The following ZYG11A variants were observed in gnomAD, a reference collection of about 807,000 sequenced individuals.
ZYG11A encodes the protein zyg-11 family member A, cell cycle regulator, also known as protein zyg-11 homolog A.
ZYG11A carries 62 observed loss-of-function variants against 77.2 expected under a neutral mutation model. The ratio of observed to expected loss-of-function variants is 0.80; its 90% CI spans 0.65 to 0.99. The LOEUF is 0.99. ZYG11A is among the 50% of genes least tolerant of loss of function. The pLI is 0.00. For synonymous variants in ZYG11A, 315 were observed against 324.6 expected (o/e 0.97, Z 0.32); for missense variants, 828 against 896.8 (o/e 0.92, Z 0.98).
At chr1:52,870,084 A>T (rs1048256585) in intron 8 of ZYG11A, among the ~76,000 whole-genome samples, 3 of 149,960 alleles carry the variant, frequency 2.0e-5, no homozygotes, top group African/African-American at 7.4e-5. Context: ...GGCCGGGCAG[A>T]GGCGCTCCTC....
At chr1:52,848,518 A>C (rs1571830322) in intron 1 of ZYG11A, among the ~76,000 whole-genome samples, 1 of 152,184 alleles carries the variant, frequency 6.6e-6, no homozygotes, top group Non-Finnish European at 1.5e-5. Context: ...ACATAAAATA[A>C]AGACAGACTG....
chr1:52,857,907 A>G (rs559507496), intron 3 of ZYG11A, among the ~76,000 whole-genome samples, 158 bp downstream of exon 3: 2 of 152,110 alleles, frequency 1.3e-5, no homozygotes, highest in East Asian at 3.9e-4. Flanking sequence ...TGTACCTACT[A>G]TGTGGAAGGT....
At chr1:52,872,600 G>A (rs996348999) in intron 8 of ZYG11A, among the ~76,000 whole-genome samples, 1 of 150,474 alleles carries the variant, frequency 6.6e-6, no homozygotes, top group African/African-American at 2.4e-5. Flanking sequence ...ACATTTTGTG[G>A]CCAGGTGTGG....
At chr1:52,847,702 G>A (rs1421297313) in intron 1 of ZYG11A, among the ~76,000 whole-genome samples, 4 of 141,708 alleles carry the variant, frequency 2.8e-5, no homozygotes, top group Non-Finnish European at 4.6e-5. Flanking sequence ...ACGGAGTCTC[G>A]CTCTGTTTCC....
rs570237595 is a variant in ZYG11A at position 52,847,795 on chromosome 1, G to C, written c.90+4822G>C. Among the ~76,000 whole-genome samples the C allele has an allele frequency of 1.7e-4, 25 of 146,856 alleles. No individual in the cohort carries two copies. In the East Asian group the frequency reaches 4.4e-3, roughly 26 times the overall value. On this transcript the variant is annotated intron_variant, in intron 1 of 13. Transcript: ENST00000371528. ...GGTAATTCTCCTGCCTCAGCCTTCC[G>C]AGTAGCTGGGACTACAGGTGTGTGC...
Position 52,867,839 on chromosome 1 carries a change from TA to T in ZYG11A, c.1542+72del, listed in dbSNP as rs960609439. On this transcript the variant is annotated intron_variant, in intron 8 of 13. Transcript: ENST00000371528. ...AAAAGTCAAATTTATGATTATAGCT[TA>T]AAAAAAAAATCAAATCATTCCAAAA... is the stretch of plus-strand genomic sequence containing the variant. The T allele has an allele frequency of 2.6e-3, 3,318 of 1,289,472 alleles. 5 individuals are homozygous for T. The highest frequency in any genetic ancestry group is 9.9e-3 in the African/African-American group (644 of 65,300). 79.9% of individuals were successfully genotyped at this position (1,289,472 alleles called of 1,614,324 possible).
intron 13 of ZYG11A, 132 bp from the exon 14 acceptor site, chr1:52,892,650 A>AT (rs1646565695): frequency 1.3e-6 from 1 of 760,540 alleles, no homozygotes; most frequent in Non-Finnish European, 2.1e-6. Flanking sequence ...GAATTGACTC[A>AT]TTTTATCTGT....
intron 12 of ZYG11A, among the ~76,000 whole-genome samples, 162 bp from the exon 13 acceptor site, chr1:52,886,794 A>G (rs1161865671): frequency 7.5e-6 from 1 of 132,672 alleles, no homozygotes; most frequent in African/African-American, 2.9e-5. Context: ...CAATCCACCT[A>G]CCTTGGCCTC....
chr1:52,875,091 GA>G (rs1414888639), intron 8 of ZYG11A, among the ~76,000 whole-genome samples: 1 of 152,218 alleles, frequency 6.6e-6, no homozygotes, highest in Non-Finnish European at 1.5e-5. Context: ...AAGTGCATTA[GA>G]AGGAAGCTGA....
rs1646595427 is a variant in ZYG11A at position 52,894,657 on chromosome 1, G to A, written c.*1700G>A. ...CATGTACTGTCTTTGGAAATCAAAT[G>A]AGGAAGAAGCTCATTCTCTTACTCT... On this transcript the variant is annotated 3_prime_UTR_variant, in exon 14 of 14. Coordinates refer to ENST00000371528, the MANE Select transcript of ZYG11A (RefSeq NM_001004339.3). 1 of 152,200 alleles carries A rather than the reference G, an allele frequency of 6.6e-6. No individual in the cohort carries two copies. Among genetic ancestry groups the A allele is most frequent in the Non-Finnish European group, 1.5e-5 (1 of 68,046 alleles). The allele number at this position is 152,200 out of a possible 1,614,324, so 9.4% of individuals were successfully genotyped here.
At chr1:52,866,231 C>T (rs1316767302) in intron 5 of ZYG11A, among the ~76,000 whole-genome samples, 1 of 152,108 alleles carries the variant, frequency 6.6e-6, no homozygotes, top group African/African-American at 2.4e-5. Flanking sequence ...GCCACCGCAC[C>T]CGGCCAAGGG....
chr1:52,871,407 A>G (rs889809625), intron 8 of ZYG11A, among the ~76,000 whole-genome samples: 3 of 151,512 alleles, frequency 2.0e-5, no homozygotes, highest in Non-Finnish European at 2.9e-5. Context: ...TGTTTATGCT[A>G]CCTTTATCAT....
intron 8 of ZYG11A, among the ~76,000 whole-genome samples, chr1:52,870,078 G>A (rs1411584227): frequency 6.6e-5 from 10 of 150,982 alleles, no homozygotes; most frequent in African/African-American, 1.5e-4. Flanking sequence ...GGTCGCGGCC[G>A]GGCAGAGGCG....
At chr1:52,882,479 T>A (rs1436319320) in intron 11 of ZYG11A, among the ~76,000 whole-genome samples, 2 of 152,186 alleles carry the variant, frequency 1.3e-5, no homozygotes, top group East Asian at 3.9e-4. Flanking sequence ...GCCTCTCTTG[T>A]GTTGGATTCC....
intron 1 of ZYG11A, among the ~76,000 whole-genome samples, chr1:52,848,104 C>T (rs142393901): frequency 0.012 from 1,777 of 152,052 alleles, 25 homozygotes; most frequent in African/African-American, 0.041. Context: ...CTCCTGACCT[C>T]GTGATCCGCC....
rs987194536 is a variant in ZYG11A, at chr1:52,894,461, T to C, written c.*1504T>C. 10 of 152,258 alleles carry C rather than the reference T, an allele frequency of 6.6e-5. No homozygotes were observed. Among genetic ancestry groups the C allele is most frequent in the African/African-American group, 2.2e-4 (9 of 41,478 alleles). 9.4% of individuals were successfully genotyped at this position (152,258 alleles called of 1,614,324 possible). On this transcript the variant is annotated 3_prime_UTR_variant, in exon 14 of 14. Coordinates refer to ENST00000371528, the MANE Select transcript of ZYG11A (RefSeq NM_001004339.3). ...CTTGATAAGCCTTGCGGAGCTGCTC[T>C]GAGGAATAGTGTGAATTCCTTCCTT...
At position 52,867,653 on chromosome 1, in the gene ZYG11A, A is replaced by G. The variant is rs1646051002; in HGVS notation, c.1491+15A>G. The G allele has an allele frequency of 6.4e-6, 10 of 1,550,966 alleles. No individual in the cohort carries two copies. The highest frequency in any genetic ancestry group is 1.7e-4 in the Middle Eastern group (1 of 6,016). ...TGGCTCTGCAGGTTTGTGATTTCTT[A>G]AAGGCAAGATGTCTATCTCTCTAGT... On this transcript the variant is annotated intron_variant, in intron 7 of 13. Coordinates refer to ENST00000371528, the MANE Select transcript of ZYG11A (RefSeq NM_001004339.3).
At chr1:52,889,964 T>G (rs1646513257) in intron 13 of ZYG11A, among the ~76,000 whole-genome samples, 1 of 151,060 alleles carries the variant, frequency 6.6e-6, no homozygotes, top group Non-Finnish European at 1.5e-5. Flanking sequence ...CCACCCGCCT[T>G]GGCCTCCCAA....
At position 52,892,107 on chromosome 1, in the gene ZYG11A, G is replaced by C. The variant is rs1025403773; in HGVS notation, c.2105-675G>C. Among the ~76,000 whole-genome samples, 68 of 149,582 alleles carry C rather than the reference G, an allele frequency of 4.5e-4. No individual in the cohort carries two copies. The East Asian group carries it at 0.013, about 29-fold the overall frequency. On this transcript the variant is annotated intron_variant, in intron 13 of 13. Coordinates refer to ENST00000371528, the MANE Select transcript of ZYG11A (RefSeq NM_001004339.3). ...GTAGAGACGGGGTTTCACCGTGTTA[G>C]CCAGGATGGTCTCGATCTCCTGACC...
Sources: allele counts gnomAD v4.1 joint callset (sites outside exome capture counted in the v4.1 genomes callset), GRCh38; gene constraint gnomAD v4.1.1; transcripts MANE v1.5; gene names NCBI Gene and HGNC (gene_info 2026-07-23, HGNC 2026-07-21).